ADGRB3: variants seen among roughly 807,000 people sequenced by gnomAD.
The protein encoded by ADGRB3 is brain-specific angiogenesis inhibitor 3.
Under a neutral mutation model 193.4 loss-of-function variants are expected in ADGRB3, and 37 were observed. The ratio of observed to expected loss-of-function variants is 0.19; its 90% CI spans 0.15 to 0.25. The LOEUF (loss-of-function observed/expected upper bound fraction) is 0.25, where lower values mean the gene tolerates loss of function less well. ADGRB3 is among the 10% of genes least tolerant of loss of function. The probability of loss-of-function intolerance (pLI) is 1.00; values close to 1 mark genes in which losing one functional copy is unlikely to be tolerated. For synonymous variants in ADGRB3, 690 were observed against 644.2 expected (o/e 1.07, Z -1.08); for missense variants, 1,637 against 1,852.9 (o/e 0.88, Z 2.14).
intron 17 of ADGRB3, among the ~76,000 whole-genome samples, chr6:69,198,867 A>T (rs190253085): frequency 9.2e-5 from 14 of 152,286 alleles, no homozygotes; most frequent in Admixed American, 9.2e-4. Flanking sequence ...AATTGCTATA[A>T]TATCATTTTC....
intron 17 of ADGRB3, among the ~76,000 whole-genome samples, chr6:69,100,916 A>AGGAAGGAG (rs1773029144): frequency 3.1e-4 from 1 of 3,268 alleles, no homozygotes; most frequent in Non-Finnish European, 7.4e-4. Flanking sequence ...GAGGGAGGGA[A>AGGAAGGAG]GGAAGGAAGG....
rs9294808 is a variant in ADGRB3, at chr6:68,802,183, C to CGTGTGTGT, written c.758-128355_758-128348dup. Among the ~76,000 whole-genome samples the CGTGTGTGT allele has an allele frequency of 3.1e-3, 448 of 142,822 alleles. 3 individuals carry two copies. Among genetic ancestry groups the CGTGTGTGT allele is most frequent in the African/African-American group, 0.011 (417 of 38,358 alleles). 93.7% of individuals were successfully genotyped at this position (142,822 alleles called of 152,430 possible). On this transcript the variant is annotated intron_variant, in intron 3 of 31. Transcript: ENST00000370598. ...ATAGAGTAAAATAAATGCACATATG[C>CGTGTGTGT]GTGTGTGTGTGTGTGTGTGTGTGTG...
intron 3 of ADGRB3, among the ~76,000 whole-genome samples, chr6:68,676,333 G>C (rs1173189537): frequency 6.8e-6 from 1 of 147,724 alleles, no homozygotes; most frequent in Non-Finnish European, 1.5e-5. Flanking sequence ...GGAGGTTGCA[G>C]TGAGCCCAGC....
At chr6:68,990,027 G>T (rs1357245371) in intron 10 of ADGRB3, among the ~76,000 whole-genome samples, 2 of 152,062 alleles carry the variant, frequency 1.3e-5, no homozygotes, top group Non-Finnish European at 2.9e-5. Context: ...TTAAACCATA[G>T]AGATGACAAC....
At position 68,910,539 on chromosome 6, in the gene ADGRB3, G is replaced by A. The variant is rs1163290677; in HGVS notation, c.758-20020G>A. ...TCTTCTAGGGTTTTTATGGTTTTAG[G>A]TCTAACATTTAAGTCTTTAATCCAT... is the stretch of plus-strand genomic sequence containing the variant. On this transcript the variant is annotated intron_variant, in intron 3 of 31. Transcript: ENST00000370598. 2.6e-5 allele frequency among the ~76,000 whole-genome samples: 4 copies of A among 152,256 alleles called. No individual in the cohort carries two copies. In the South Asian group the frequency reaches 8.3e-4, roughly 32 times the overall value.
At chr6:68,931,604 T>C (rs1243037976) in intron 4 of ADGRB3, among the ~76,000 whole-genome samples, 1 of 152,122 alleles carries the variant, frequency 6.6e-6, no homozygotes, top group Non-Finnish European at 1.5e-5. Context: ...CATGACCAGT[T>C]TCCTGACATG....
At chr6:68,758,684 C>A (rs141361514) in intron 3 of ADGRB3, among the ~76,000 whole-genome samples, 1 of 152,120 alleles carries the variant, frequency 6.6e-6, no homozygotes, top group Non-Finnish European at 1.5e-5. Context: ...GAATTATTAT[C>A]TCCTTCTTGA....
intron 17 of ADGRB3, among the ~76,000 whole-genome samples, chr6:69,146,234 G>T (rs146916156): frequency 6.6e-6 from 1 of 152,194 alleles, no homozygotes; most frequent in Non-Finnish European, 1.5e-5. Flanking sequence ...AAATTGGGAG[G>T]AGGCTGGCAT....
intron 3 of ADGRB3, among the ~76,000 whole-genome samples, chr6:68,655,166 T>C (rs75426728): frequency 0.028 from 4,184 of 151,280 alleles, 181 homozygotes; most frequent in African/African-American, 0.095. Flanking sequence ...AATTTTAATG[T>C]AAAACAAAGA....
intron 6 of ADGRB3, among the ~76,000 whole-genome samples, chr6:68,955,789 C>T (rs1288928769): frequency 1.3e-5 from 2 of 150,106 alleles, no homozygotes; most frequent in East Asian, 1.9e-4. Context: ...AAGACTCCAT[C>T]TCCAAATGAA....
intron 20 of ADGRB3, among the ~76,000 whole-genome samples, chr6:69,315,232 G>A (rs1254870473): frequency 6.6e-6 from 1 of 151,426 alleles, no homozygotes; most frequent in African/African-American, 2.4e-5. Context: ...GAGCACATGT[G>A]CTTCTTTATT....
At chr6:69,371,204 C>G (rs771164588) in intron 29 of ADGRB3, among the ~76,000 whole-genome samples, 55 of 152,176 alleles carry the variant, frequency 3.6e-4, no homozygotes, top group Admixed American at 7.9e-4. Context: ...CGGCATGTCC[C>G]CTTCTGTCTA....
intron 13 of ADGRB3, among the ~76,000 whole-genome samples, chr6:69,038,329 G>GAC (rs35438298): frequency 0.38 from 56,094 of 149,436 alleles, 12,105 homozygotes; most frequent in East Asian, 0.89. Context: ...TGAATACACA[G>GAC]ACACACACAC....
chr6:68,772,651 A>G (rs1232495038), intron 3 of ADGRB3, among the ~76,000 whole-genome samples: 1 of 151,844 alleles, frequency 6.6e-6, no homozygotes, highest in Non-Finnish European at 1.5e-5. Flanking sequence ...AAGCTAAAGT[A>G]TCATAAACAT....
chr6:68,687,726 AAAC>A (rs1186142899), intron 3 of ADGRB3, among the ~76,000 whole-genome samples: 1 of 152,190 alleles, frequency 6.6e-6, no homozygotes, highest in African/African-American at 2.4e-5. Context: ...CAGAGGAAAA[AAAC>A]AGAAATGTAA....
intron 3 of ADGRB3, among the ~76,000 whole-genome samples, chr6:68,677,446 G>C (rs1487963996): frequency 6.6e-6 from 1 of 150,850 alleles, no homozygotes; most frequent in Admixed American, 6.6e-5. Context: ...CCCCCAACTT[G>C]AATGTTTCAA....
intron 3 of ADGRB3, among the ~76,000 whole-genome samples, chr6:68,849,231 A>G (rs1046608651): frequency 1.3e-5 from 2 of 151,992 alleles, no homozygotes; most frequent in African/African-American, 4.8e-5. Flanking sequence ...ATATATTTGT[A>G]TTAATACGTT....
intron 17 of ADGRB3, among the ~76,000 whole-genome samples, chr6:69,127,828 A>G (rs1773894624): frequency 1.3e-5 from 2 of 152,258 alleles, no homozygotes; most frequent in Middle Eastern, 3.4e-3. Context: ...TACTACATGA[A>G]TGTTCCCGTG....
intron 3 of ADGRB3, among the ~76,000 whole-genome samples, chr6:68,843,359 A>G (rs1393748565): frequency 1.3e-5 from 2 of 152,112 alleles, no homozygotes; most frequent in Non-Finnish European, 2.9e-5. Flanking sequence ...TATAAAAATC[A>G]TTAATATTTC....
Sources: allele counts gnomAD v4.1 joint callset (sites outside exome capture counted in the v4.1 genomes callset), GRCh38; gene constraint gnomAD v4.1.1; transcripts MANE v1.5; gene names NCBI Gene and HGNC (gene_info 2026-07-23, HGNC 2026-07-21).